The following LRRC9 variants were observed in gnomAD, a reference collection of about 807,000 sequenced individuals.
LRRC9 encodes leucine-rich repeat-containing protein 9.
A neutral mutation model predicts 63.2 loss-of-function variants in LRRC9; 122 were observed. That is an observed-to-expected ratio of 1.93 (90% CI 1.67 to 2.24). LRRC9 has a LOEUF of 2.24. LRRC9 is among the 30% of genes most tolerant of loss of function. The pLI, the probability that LRRC9 is intolerant of heterozygous loss-of-function variation, is 0.00. For missense variants in LRRC9, 1,071 were observed against 627.7 expected, an observed-to-expected ratio of 1.71 and a Z score of -7.55; for synonymous variants, 366 against 213.1, an observed-to-expected ratio of 1.72 and a Z score of -6.25.
chr14:59,971,664 C>T (rs1358254600), intron 12 of LRRC9, among the ~76,000 whole-genome samples: 1 of 152,066 alleles, frequency 6.6e-6, no homozygotes, highest in Admixed American at 6.6e-5. Context: ...TTCCTGATTT[C>T]CATAACAATA....
At chr14:59,921,318 A>C (rs139074329) in intron 1 of LRRC9, among the ~76,000 whole-genome samples, 1 of 152,186 alleles carries the variant, frequency 6.6e-6, no homozygotes, top group African/African-American at 2.4e-5. Flanking sequence ...GGGGTAAAGC[A>C]TGAGCAGATT....
At chr14:59,991,009 T>C (rs1888030898) in intron 17 of LRRC9, among the ~76,000 whole-genome samples, 1 of 152,234 alleles carries the variant, frequency 6.6e-6, no homozygotes, top group African/African-American at 2.4e-5. Flanking sequence ...AAAATTTGGT[T>C]TTATCTATTT....
intron 20 of LRRC9, among the ~76,000 whole-genome samples, chr14:60,002,888 T>C (rs984046627): frequency 6.6e-6 from 1 of 152,038 alleles, no homozygotes; most frequent in African/African-American, 2.4e-5. Flanking sequence ...GAGCCAGAGA[T>C]CAAGCCAAAA....
intron 13 of LRRC9, among the ~76,000 whole-genome samples, chr14:59,975,066 ATG>A (rs1203786294): frequency 0.032 from 447 of 14,084 alleles, 56 homozygotes; most frequent in African/African-American, 0.04. Flanking sequence ...GAACTAAACT[ATG>A]TGTGTGTGTG....
chr14:60,020,629 A>T (rs1388163453), intron 26 of LRRC9, among the ~76,000 whole-genome samples: 1 of 151,952 alleles, frequency 6.6e-6, no homozygotes, highest in Non-Finnish European at 1.5e-5. Flanking sequence ...ATTTACAGTC[A>T]ACTTCCTTTC....
rs1890851213 is a variant in LRRC9 at position 60,018,240 on chromosome 14, G to A, written c.3318-131G>A. ...TTTAACCAATTCATTTTACATTAAA[G>A]TAATTATTTTTATACTTGTCAGGTG... On this transcript the variant is annotated intron_variant, in intron 24 of 31. Coordinates refer to ENST00000445360, the Ensembl canonical transcript of LRRC9. The A allele has an allele frequency of 1.3e-5, 8 of 610,258 alleles. No homozygotes were observed. In the East Asian group the frequency reaches 2.3e-4, roughly 17 times the overall value. 37.8% of individuals were successfully genotyped at this position (610,258 alleles called of 1,614,324 possible).
intron 17 of LRRC9, among the ~76,000 whole-genome samples, chr14:59,987,657 G>A (rs2140130332): frequency 6.6e-6 from 1 of 151,762 alleles, no homozygotes; most frequent in East Asian, 1.9e-4. Context: ...TCAGACCCAG[G>A]TTCCATTTTT....
rs1014118996 is a variant in LRRC9 at position 60,017,095 on chromosome 14, G to A, written c.3317+305G>A. On this transcript the variant is annotated intron_variant, in intron 24 of 31. Transcript: ENST00000445360. The surrounding 1 kb of genome is among the most constrained non-coding windows in gnomAD (Gnocchi z 4.0). ...GACAGCATTTATGCCATGTTGCCAG[G>A]CTGGTCTCCAATCATGGGCTCAAGT... 6.6e-6 allele frequency among the ~76,000 whole-genome samples: 1 copy of A among 151,996 alleles called. No individual in the cohort carries two copies. Among genetic ancestry groups the A allele is most frequent in the African/African-American group, 2.4e-5 (1 of 41,416 alleles).
intron 26 of LRRC9, among the ~76,000 whole-genome samples, chr14:60,020,493 T>A (rs1708979612): frequency 6.6e-6 from 1 of 151,964 alleles, no homozygotes; most frequent in Non-Finnish European, 1.5e-5. Flanking sequence ...TGGCAGTTAA[T>A]GTATCATGTT....
chr14:60,052,061 C>T (rs1352178046), intron 29 of LRRC9, among the ~76,000 whole-genome samples: 1 of 152,172 alleles, frequency 6.6e-6, no homozygotes, highest in Non-Finnish European at 1.5e-5. Context: ...GTGCTGAGTT[C>T]ACTCACTGCT....
At chr14:60,028,176 C>A (rs1373166460) in intron 28 of LRRC9, 75 bp downstream of exon 28, 1 of 624,752 alleles carries the variant, frequency 1.6e-6, no homozygotes, top group Non-Finnish European at 2.8e-6. Context: ...AGCTTCCAAA[C>A]ACATCAATGA....
At chr14:60,000,170 T>A (rs1294833758) in intron 19 of LRRC9, among the ~76,000 whole-genome samples, 2 of 152,142 alleles carry the variant, frequency 1.3e-5, no homozygotes, top group African/African-American at 4.8e-5. Context: ...GAGACCATTA[T>A]CCTAAGTGAA....
chr14:60,011,529 T>C (rs1890260046), intron 23 of LRRC9, among the ~76,000 whole-genome samples: 1 of 152,216 alleles, frequency 6.6e-6, no homozygotes, highest in Non-Finnish European at 1.5e-5. Flanking sequence ...TTACAGTCTT[T>C]TTGTCACTAA....
At chr14:60,064,270 T>C (rs1894821230), downstream of LRRC9, among the ~76,000 whole-genome samples, 1 of 152,212 alleles carries the variant, frequency 6.6e-6, no homozygotes, top group Non-Finnish European at 1.5e-5. Flanking sequence ...GTTACTAAAA[T>C]TGATAACCAA....
In LRRC9 at chr14:60,027,072, TG is replaced by T. The variant is rs541194641; in HGVS notation, c.3704-811del. On this transcript the variant is annotated intron_variant, in intron 27 of 31. Coordinates refer to ENST00000445360, the Ensembl canonical transcript of LRRC9. The surrounding 1 kb of genome is among the most constrained non-coding windows in gnomAD (Gnocchi z 4.0). ...CAAGGAGAATGAATATTGACTGAAA[TG>T]TAGTATGGCATACTAGAAAGATAAT... 2.9e-4 allele frequency among the ~76,000 whole-genome samples: 44 copies of T among 152,122 alleles called. 1 individual carries two copies. The East Asian group carries it at 8.1e-3, about 28-fold the overall frequency.
intron 22 of LRRC9, 39 bp downstream of exon 22, chr14:60,006,656 G>A (rs1314434155): frequency 5.3e-6 from 3 of 566,910 alleles, no homozygotes; most frequent in Non-Finnish European, 9.3e-6. Flanking sequence ...TTTTTAACAT[G>A]TATTGTTTCT....
rs189459528 is a variant in LRRC9 at position 59,938,649 on chromosome 14, C to T, written c.726+77C>T. 51 of 579,966 alleles carry T rather than the reference C, an allele frequency of 8.8e-5. 1 individual carries two copies. Among genetic ancestry groups the T allele is most frequent in the African/African-American group, 5.7e-4 (30 of 52,466 alleles). The allele number at this position is 579,966 out of a possible 1,614,324, so 35.9% of individuals were successfully genotyped here. ...GCTTCTTTCTGGCCATGTCCACATA[C>T]GGTAGGTAGGATTATCAGTTCAGTT... On this transcript the variant is annotated intron_variant, in intron 7 of 31. Transcript: ENST00000445360. This position sits in a 1 kb window ranked among gnomAD's most constrained non-coding sequence, Gnocchi z 4.2.
At chr14:60,015,011 T>C (rs1890563851) in intron 23 of LRRC9, among the ~76,000 whole-genome samples, 1 of 152,170 alleles carries the variant, frequency 6.6e-6, no homozygotes, top group African/African-American at 2.4e-5. Context: ...GGGTAATGTC[T>C]ATTGTTCTGT....
At chr14:59,992,943 G>A (rs1888318759) in intron 17 of LRRC9, among the ~76,000 whole-genome samples, 1 of 152,080 alleles carries the variant, frequency 6.6e-6, no homozygotes, top group African/African-American at 2.4e-5. Context: ...TTCAAATTCA[G>A]GAAATACAGA....
Sources: gnomAD v4.1 joint callset for allele counts (sites outside exome capture counted in the v4.1 genomes callset) on GRCh38, gnomAD v4.1.1 for gene constraint, Gnocchi (gnomAD v3.1) non-coding constraint, MANE v1.5 for transcripts, NCBI Gene and HGNC (gene_info 2026-07-23, HGNC 2026-07-21) for gene names.